Variants in DYNLRB1 observed in about 807,000 individuals in gnomAD.
DYNLRB1 encodes the protein ROBL/LC7-like 1.
DYNLRB1 carries 6 observed loss-of-function variants against 13.5 expected under a neutral mutation model. That is an observed-to-expected ratio of 0.44 (90% confidence interval 0.24 to 0.88). The LOEUF (loss-of-function observed/expected upper bound fraction) is 0.88, where lower values mean the gene tolerates loss of function less well. DYNLRB1 is among the 40% of genes least tolerant of loss of function. The pLI is 0.21. For missense variants in DYNLRB1, 93 were observed against 127.2 expected (o/e 0.73, Z 1.29); for synonymous variants, 43 against 45.0 (o/e 0.96, Z 0.18).
intron 3 of DYNLRB1, chr20:34,536,050 G>GC (rs1981118857): frequency 1.0e-6 from 1 of 985,290 alleles, no homozygotes; most frequent in African/African-American, 1.7e-5. Context: ...GCCAGTCACA[G>GC]CAGCCCACAG....
At chr20:34,535,931 T>C in intron 3 of DYNLRB1, 3 of 985,306 alleles carry the variant, frequency 3.0e-6, no homozygotes, top group Non-Finnish European at 3.6e-6. Flanking sequence ...GCAAGGAGGC[T>C]GGCCACAGAG....
rs1041774403 is a variant in DYNLRB1 at position 34,536,576 on chromosome 20, C to T, written c.247+1781C>T. ...CCTGACCAACATGGTGAAACCCCGT[C>T]TCTACTAAAAATAAAAAAATTAGCT... On this transcript the variant is annotated intron_variant, in intron 3 of 3. Coordinates refer to ENST00000357156, the MANE Select transcript of DYNLRB1 (RefSeq NM_014183.4). The T allele has an allele frequency of 6.7e-5, 46 of 688,418 alleles. No individual in the cohort carries two copies. In the African/African-American group the frequency reaches 8.4e-4, roughly 13 times the overall value. The allele number at this position is 688,418 out of a possible 1,614,324, so 42.6% of individuals were successfully genotyped here.
chr20:34,534,666 A>G lies in DYNLRB1; in HGVS notation c.118A>G (p.Thr40Ala). ...GAGCACCATGGACAACCCCACCACC[A>G]CCCAGTATGCCAGCCTCATGCACAG... ...IKSTMDNPTT[T>A]QYASLMHSFI... The change falls in exon 3 of 4, where the codon ACC becomes GCC. Residue 40 changes from threonine to alanine, a missense_variant. Transcript: ENST00000357156. The G allele has an allele frequency of 6.3e-7, 1 of 1,589,528 alleles. No individual in the cohort carries two copies. The highest frequency in any genetic ancestry group is 8.6e-7 in the Non-Finnish European group (1 of 1,167,232).
At chr20:34,529,853 A>T in intron 2 of DYNLRB1, 1 of 1,517,716 alleles carries the variant, frequency 6.6e-7, no homozygotes, top group Non-Finnish European at 8.8e-7. Context: ...CATTTACAGG[A>T]GGCTGGGAGC....
chr20:34,533,494 C>T (rs1197832882), intron 2 of DYNLRB1: 35 of 985,344 alleles, frequency 3.6e-5, no homozygotes, highest in Non-Finnish European at 4.2e-5. Context: ...TGTCCCAGCA[C>T]AAGCTGACTT....
chr20:34,536,868 C>T (rs1220132507), intron 3 of DYNLRB1, among the ~76,000 whole-genome samples: 1 of 152,002 alleles, frequency 6.6e-6, no homozygotes, highest in Non-Finnish European at 1.5e-5. Context: ...GAGCAAATTA[C>T]TTGGTCTCCA....
rs185511771 is a variant in DYNLRB1, at chr20:34,516,654, G to A, written c.3+193G>A. The A allele has an allele frequency of 4.0e-3, 5,843 of 1,468,690 alleles. 19 individuals are homozygous for A. Among genetic ancestry groups the A allele is most frequent in the South Asian group, 4.5e-3 (332 of 73,128 alleles). 91.0% of individuals were successfully genotyped at this position (1,468,690 alleles called of 1,614,324 possible). A position where few individuals can be genotyped will look rare whatever the true frequency, so the allele number is the denominator to read the frequency against. Reference sequence around the variant, plus strand: ...AGGCCTCTAAAGCCTGACCGAGGCGGGGCCGCCGGATCCCGCTGCCCCTTG... The same window carrying A: ...AGGCCTCTAAAGCCTGACCGAGGCGAGGCCGCCGGATCCCGCTGCCCCTTG... On this transcript the variant is annotated intron_variant, in intron 1 of 3. Coordinates refer to ENST00000357156, the MANE Select transcript of DYNLRB1 (RefSeq NM_014183.4).
intron 3 of DYNLRB1, chr20:34,536,212 A>G (rs1308155185): frequency 3.0e-6 from 3 of 985,302 alleles, no homozygotes; most frequent in Non-Finnish European, 3.6e-6. Context: ...GAGGCACAGA[A>G]TCTGTTTTCC....
chr20:34,540,522 T>A, intron 3 of DYNLRB1, 59 bp from the exon 4 acceptor site: 1 of 1,513,186 alleles, frequency 6.6e-7, no homozygotes, highest in Non-Finnish European at 9.1e-7. Flanking sequence ...ATTTGCTTTC[T>A]TGTGTGTTTT....
chr20:34,531,559 A>G (rs1452732788), intron 2 of DYNLRB1, among the ~76,000 whole-genome samples: 1 of 152,176 alleles, frequency 6.6e-6, no homozygotes, highest in Non-Finnish European at 1.5e-5. Flanking sequence ...TGTTTTACAC[A>G]GCTCCCGCTT....
chr20:34,535,317 C>G, intron 3 of DYNLRB1: 6 of 985,468 alleles, frequency 6.1e-6, no homozygotes, highest in Non-Finnish European at 7.2e-6. Flanking sequence ...AAAGGCCAGG[C>G]CTGTCTTTAG....
intron 1 of DYNLRB1, chr20:34,516,930 C>T: frequency 7.3e-7 from 1 of 1,371,806 alleles, no homozygotes; most frequent in Non-Finnish European, 9.5e-7. Flanking sequence ...TTCAGCGCCC[C>T]GAGAAGCCAA....
chr20:34,526,662 C>CT, intron 2 of DYNLRB1: 1 of 343,942 alleles, frequency 2.9e-6, no homozygotes, highest in Non-Finnish European at 5.4e-6. Context: ...CCTGACAGAT[C>CT]ACACTTCAGT....
intron 1 of DYNLRB1, among the ~76,000 whole-genome samples, chr20:34,525,795 C>T (rs757630520): frequency 6.6e-6 from 1 of 152,184 alleles, no homozygotes; most frequent in Non-Finnish European, 1.5e-5. Context: ...GAGTGCTGTG[C>T]ATCACACTAT....
rs560286767 is a variant in DYNLRB1, at chr20:34,536,744, CAAAAAA to C, written c.247+1965_247+1970del. On this transcript the variant is annotated intron_variant, in intron 3 of 3. Coordinates refer to ENST00000357156, the MANE Select transcript of DYNLRB1 (RefSeq NM_014183.4). ...TGGGAAACAGAGTGAGACTCTGTCT[CAAAAAA>C]AAAAAAAAAAAAAAAGTTGGGCCGG... is the stretch of plus-strand genomic sequence containing the variant. Among the ~76,000 whole-genome samples the C allele has an allele frequency of 1.3e-4, 7 of 55,922 alleles. No homozygotes were observed. The East Asian group carries it at 2.7e-3, about 22-fold the overall frequency. 36.7% of individuals were successfully genotyped at this position (55,922 alleles called of 152,430 possible).
chr20:34,518,593 G>A (rs1409876072), intron 1 of DYNLRB1, among the ~76,000 whole-genome samples: 1 of 150,904 alleles, frequency 6.6e-6, no homozygotes, highest in Non-Finnish European at 1.5e-5. Context: ...GACTACTGGT[G>A]CACGCCACCA....
intron 2 of DYNLRB1, among the ~76,000 whole-genome samples, chr20:34,532,221 C>T (rs1980767221): frequency 6.6e-6 from 1 of 152,234 alleles, no homozygotes; most frequent in Non-Finnish European, 1.5e-5. Context: ...TAAGTGTACT[C>T]TTGCTAAACA....
At chr20:34,524,419 T>C (rs1222882420) in intron 1 of DYNLRB1, among the ~76,000 whole-genome samples, 1 of 152,220 alleles carries the variant, frequency 6.6e-6, no homozygotes, top group Non-Finnish European at 1.5e-5. Flanking sequence ...TTGTTAGGCA[T>C]TTTTAGTTCT....
In DYNLRB1 at chr20:34,523,026, G is replaced by A. The variant is rs115159594; in HGVS notation, c.4-3242G>A. 7.7e-3 allele frequency among the ~76,000 whole-genome samples: 1,175 copies of A among 152,274 alleles called. 16 individuals carry two copies. Among genetic ancestry groups the A allele is most frequent in the African/African-American group, 0.027 (1,109 of 41,554 alleles). ...GTTTCCTGATTCCAGGGTGCCTTGC[G>A]TCTGGAGGAGGAGATGAACGTGACC... is the stretch of plus-strand genomic sequence containing the variant. On this transcript the variant is annotated intron_variant, in intron 1 of 3. Transcript: ENST00000357156.
Sources: allele counts gnomAD v4.1 joint callset (sites outside exome capture counted in the v4.1 genomes callset), GRCh38; gene constraint gnomAD v4.1.1; transcripts MANE v1.5; gene names NCBI Gene and HGNC (gene_info 2026-07-23, HGNC 2026-07-21).